The following TMEM266 variants were observed in gnomAD, a reference collection of about 807,000 sequenced individuals.
TMEM266 encodes the protein Hv1 related protein 1.
In TMEM266, 33 loss-of-function variants were observed where a neutral mutation model predicts 50.5. The ratio of observed to expected loss-of-function variants is 0.65; its 90% CI spans 0.50 to 0.87. The LOEUF is 0.87. Among genes scored for constraint, TMEM266 ranks in the 40% least tolerant of loss-of-function variants. The pLI is 0.00. For missense variants in TMEM266, 655 were observed against 695.1 expected (o/e 0.94, Z 0.65); for synonymous variants, 310 against 292.3 (o/e 1.06, Z -0.62).
intron 1 of TMEM266, among the ~76,000 whole-genome samples, chr15:76,102,196 C>T (rs2037011040): frequency 6.6e-6 from 1 of 152,232 alleles, no homozygotes; most frequent in Non-Finnish European, 1.5e-5. Flanking sequence ...ATTCATTTAA[C>T]AACTATTTCT....
At chr15:76,133,510 G>A (rs373936636) in intron 1 of TMEM266, among the ~76,000 whole-genome samples, 27 of 152,110 alleles carry the variant, frequency 1.8e-4, no homozygotes, top group East Asian at 7.7e-4. Context: ...AGTGTCAGAC[G>A]CTATGCTAGT....
intron 1 of TMEM266, among the ~76,000 whole-genome samples, chr15:76,066,238 C>T (rs2036416271): frequency 6.6e-6 from 1 of 152,156 alleles, no homozygotes; most frequent in Non-Finnish European, 1.5e-5. Flanking sequence ...CTGTATTGAT[C>T]AGTCCTGGAG....
At chr15:76,181,788 T>G (rs1224537802) in intron 8 of TMEM266, among the ~76,000 whole-genome samples, 1 of 152,192 alleles carries the variant, frequency 6.6e-6, no homozygotes, top group Non-Finnish European at 1.5e-5. Context: ...CTGACTCATC[T>G]CACGAAACCA....
intron 8 of TMEM266, among the ~76,000 whole-genome samples, chr15:76,183,866 T>A (rs942739510): frequency 6.6e-6 from 1 of 152,146 alleles, no homozygotes; most frequent in Non-Finnish European, 1.5e-5. Context: ...ACGCCCCCCC[T>A]CCATCCCCTT....
Position 76,160,327 on chromosome 15 carries a change from G to C in TMEM266, c.456+159G>C, listed in dbSNP as rs914307206. 6.6e-6 allele frequency among the ~76,000 whole-genome samples: 1 copy of C among 152,236 alleles called. No individual in the cohort carries two copies. Among genetic ancestry groups the C allele is most frequent in the Non-Finnish European group, 1.5e-5 (1 of 68,036 alleles). ...CAATATAGATAGATGATCTCTGCGGGGGGAAGTGGTACAGGGAGCCCAACC... is the reference window on the plus strand; with the variant it reads ...CAATATAGATAGATGATCTCTGCGGCGGGAAGTGGTACAGGGAGCCCAACC... On this transcript the variant is annotated intron_variant, in intron 5 of 10. Transcript: ENST00000388942. This position sits in a 1 kb window ranked among gnomAD's most constrained non-coding sequence, Gnocchi z 5.7.
intron 3 of TMEM266, 144 bp downstream of exon 3, chr15:76,138,039 T>G: frequency 1.4e-6 from 1 of 713,926 alleles, no homozygotes; most frequent in Non-Finnish European, 2.1e-6. Context: ...CTGGCCAACA[T>G]GGTAAAACCC....
At chr15:76,113,908 C>CAA in intron 1 of TMEM266, 1 of 133,834 alleles carries the variant, frequency 7.5e-6, no homozygotes, top group Non-Finnish European at 1.6e-5. Context: ...GACTCCGACT[C>CAA]AAAAAAAAAA....
intron 7 of TMEM266, among the ~76,000 whole-genome samples, chr15:76,173,369 G>A (rs192073432): frequency 8.5e-5 from 13 of 152,242 alleles, no homozygotes; most frequent in Admixed American, 2.6e-4. Context: ...GCTGGGTTTC[G>A]AGGGGTGCGG....
intron 1 of TMEM266, among the ~76,000 whole-genome samples, chr15:76,087,920 T>G (rs2036797482): frequency 6.6e-6 from 1 of 152,230 alleles, no homozygotes; most frequent in East Asian, 1.9e-4. Flanking sequence ...TGTCTTTTCC[T>G]GAAGGTGCAC....
At position 76,203,732 on chromosome 15, in the gene TMEM266, A is replaced by C. The variant is rs561277402; in HGVS notation, c.1022-9A>C. ...TGAAGTGTGACCAAGATCCCCTCCT[A>C]CCTTGCAGACAGCGGTGTCCCAGAG... On this transcript the variant is annotated splice_polypyrimidine_tract_variant and intron_variant, in intron 10 of 10. Transcript: ENST00000388942. 3 of 1,608,186 alleles carry C rather than the reference A, an allele frequency of 1.9e-6. No homozygotes were observed. Among genetic ancestry groups the C allele is most frequent in the Non-Finnish European group, 2.6e-6 (3 of 1,175,832 alleles).
rs140006101 is a variant in TMEM266, at chr15:76,203,931, G to A, written c.1212G>A (p.Thr404=). Reference sequence around the variant, plus strand: ...GGGCCCAGAGTGACAGCAGCCAGACGCTGGGCTCCTCCATGGACTGCAGCA... The same window carrying A: ...GGGCCCAGAGTGACAGCAGCCAGACACTGGGCTCCTCCATGGACTGCAGCA... The change falls in exon 11 of 11, where the codon ACG becomes ACA. Residue 404 remains threonine, a synonymous_variant. Coordinates refer to ENST00000388942, the MANE Select transcript of TMEM266 (RefSeq NM_152335.3). 137 of 1,613,846 alleles carry A rather than the reference G, an allele frequency of 8.5e-5. No homozygotes were observed. The highest frequency in any genetic ancestry group is 5.1e-4 in the African/African-American group (38 of 74,924).
intron 3 of TMEM266, among the ~76,000 whole-genome samples, chr15:76,147,168 A>G (rs898510891): frequency 5.9e-5 from 9 of 152,238 alleles, no homozygotes; most frequent in Non-Finnish European, 8.8e-5. Context: ...CTTATGCCTC[A>G]GAAGTTACTA....
rs760880166 is a variant in TMEM266 at position 76,204,199 on chromosome 15, A to C, written c.1480A>C (p.Thr494Pro). 3.7e-6 allele frequency: 6 copies of C among 1,613,854 alleles called. No individual in the cohort carries two copies. The highest frequency in any genetic ancestry group is 5.1e-6 in the Non-Finnish European group (6 of 1,180,032). ...CAACCAGAAGAACCAGGAGGGCTTC[A>C]CTGTCTTTCAGATCAGGCCTGTCAT... The change falls in exon 11 of 11, where the codon ACT becomes CCT. Residue 494 changes from threonine to proline, a missense_variant. Transcript: ENST00000388942.
At chr15:76,166,513 A>G (rs2038099096) in intron 5 of TMEM266, among the ~76,000 whole-genome samples, 1 of 152,144 alleles carries the variant, frequency 6.6e-6, no homozygotes, top group Non-Finnish European at 1.5e-5. Flanking sequence ...TAGCTGTTTC[A>G]CCTGCTTCCC....
chr15:76,132,813 A>AATTATTATT (rs58869632), intron 1 of TMEM266, among the ~76,000 whole-genome samples: 2,743 of 134,978 alleles, frequency 0.02, 48 homozygotes, highest in Middle Eastern at 0.039. Context: ...TAATAATAGT[A>AATTATTATT]ATTATTATTA....
At chr15:76,140,164 T>TA in intron 3 of TMEM266, among the ~76,000 whole-genome samples, 1 of 152,130 alleles carries the variant, frequency 6.6e-6, no homozygotes, top group South Asian at 2.1e-4. Context: ...TCCCGTTGGG[T>TA]AAATAGGAAG....
intron 1 of TMEM266, among the ~76,000 whole-genome samples, chr15:76,076,891 C>T (rs539678308): frequency 1.3e-5 from 2 of 152,162 alleles, no homozygotes; most frequent in Admixed American, 6.5e-5. Context: ...TTTTCAACCA[C>T]GCACACATGA....
Position 76,169,817 on chromosome 15 carries a change from C to T in TMEM266, c.458C>T (p.Thr153Ile). ...CACTTTCTCACTTCCTTTCCTCAGA[C>T]TGTTCTACGGATTGTGGTGCTTGGG... The change falls in exon 6 of 11, where the codon ACT (threonine) becomes ATT (isoleucine). Residue 153 changes from threonine (T) to isoleucine (I), a missense_variant and splice_region_variant. This residue lies in a region of TMEM266 where 101 missense variants were observed against 182.6 expected (regional missense o/e 0.55). Transcript: ENST00000388942. 6.2e-7 allele frequency: 1 copy of T among 1,613,838 alleles called. No homozygotes were observed. Among genetic ancestry groups the T allele is most frequent in the South Asian group, 1.1e-5 (1 of 91,060 alleles).
chr15:76,060,974 A>G (rs1048760475), intron 1 of TMEM266, among the ~76,000 whole-genome samples: 5 of 152,290 alleles, frequency 3.3e-5, no homozygotes, highest in African/African-American at 7.2e-5. Flanking sequence ...ATTTGTTTAT[A>G]TTCCATACAC....
Sources: gnomAD v4.1 joint callset for allele counts (sites outside exome capture counted in the v4.1 genomes callset) on GRCh38, gnomAD v4.1.1 for gene constraint, gnomAD v4.1.1 regional missense constraint, Gnocchi (gnomAD v3.1) non-coding constraint, MANE v1.5 for transcripts, NCBI Gene and HGNC (gene_info 2026-07-23, HGNC 2026-07-21) for gene names.